PARD3: variants seen among roughly 807,000 people sequenced by gnomAD.
PARD3 encodes partitioning defective 3 homolog.
PARD3 carries 75 observed loss-of-function variants against 155.4 expected under a neutral mutation model. The observed-to-expected ratio is 0.48, with a 90% CI of 0.40 to 0.58. PARD3 has a LOEUF of 0.58. Ranked by LOEUF, PARD3 falls within the 20% of genes least tolerant of loss-of-function variation. PARD3 has a pLI of 0.00. For synonymous variants in PARD3, 576 were observed against 610.5 expected, an observed-to-expected ratio of 0.94 and a Z score of 0.83; for missense variants, 1,642 against 1,721.7, an observed-to-expected ratio of 0.95 and a Z score of 0.82.
intron 3 of PARD3, among the ~76,000 whole-genome samples, chr10:34,502,497 G>A (rs950573453): frequency 2.0e-5 from 3 of 152,174 alleles, no homozygotes; most frequent in African/African-American, 7.2e-5. Context: ...ATGCAGGACT[G>A]TAATAAACTC....
At chr10:34,487,696 T>C (rs939801974) in intron 3 of PARD3, among the ~76,000 whole-genome samples, 4 of 152,026 alleles carry the variant, frequency 2.6e-5, no homozygotes, top group African/African-American at 9.7e-5. Context: ...CAGTGCTGAC[T>C]CCCTTATGAG....
rs184135509 is a variant in PARD3 at position 34,654,006 on chromosome 10, G to A, written c.222+42312C>T. Among the ~76,000 whole-genome samples, 27 of 152,142 alleles carry A rather than the reference G, an allele frequency of 1.8e-4. No individual in the cohort carries two copies. In the East Asian group the frequency reaches 4.1e-3, roughly 23 times the overall value. On this transcript the variant is annotated intron_variant, in intron 2 of 24. Coordinates refer to ENST00000374788, the MANE Select transcript of PARD3 (RefSeq NM_001184785.2). ...ATTATGGTAAGATGCATGCTTATAC[G>A]TTGCTTCACATTAAGACAGAGGTGC...
At chr10:34,762,023 C>G (rs1590994752) in intron 1 of PARD3, among the ~76,000 whole-genome samples, 1 of 152,078 alleles carries the variant, frequency 6.6e-6, no homozygotes, top group Non-Finnish European at 1.5e-5. Context: ...TTTCACGAAG[C>G]TATTTTGAAG....
chr10:34,791,453 A>G (rs1374370834), intron 1 of PARD3, among the ~76,000 whole-genome samples: 2 of 152,132 alleles, frequency 1.3e-5, no homozygotes, highest in African/African-American at 4.8e-5. Context: ...CGAAGCCAAC[A>G]CCGAGCCCTG....
intron 1 of PARD3, among the ~76,000 whole-genome samples, chr10:34,718,187 G>A (rs1473364675): frequency 6.6e-6 from 1 of 150,606 alleles, no homozygotes; most frequent in Non-Finnish European, 1.5e-5. Flanking sequence ...TGGGAGGCAA[G>A]CCATAGGTAT....
At chr10:34,673,357 C>A (rs1470137140) in intron 2 of PARD3, among the ~76,000 whole-genome samples, 1 of 152,152 alleles carries the variant, frequency 6.6e-6, no homozygotes, top group Non-Finnish European at 1.5e-5. Context: ...CTGTGATATG[C>A]ACATTTTTAC....
intron 22 of PARD3, among the ~76,000 whole-genome samples, chr10:34,211,841 G>C (rs1428882061): frequency 1.3e-5 from 2 of 152,018 alleles, no homozygotes; most frequent in Admixed American, 1.3e-4. Flanking sequence ...CCTCTCCCCA[G>C]GAGTCTCACT....
intron 22 of PARD3, among the ~76,000 whole-genome samples, chr10:34,151,514 T>A (rs1948782390): frequency 6.6e-6 from 1 of 152,184 alleles, no homozygotes. Context: ...CAATTAAAGC[T>A]TCAGTTTGAG....
intron 2 of PARD3, among the ~76,000 whole-genome samples, chr10:34,629,109 A>G (rs182827693): frequency 1.3e-5 from 2 of 152,318 alleles, no homozygotes; most frequent in African/African-American, 4.8e-5. Flanking sequence ...AATGTACCCA[A>G]TTGGTGCGGT....
At chr10:34,467,512 C>T (rs980364529) in intron 4 of PARD3, among the ~76,000 whole-genome samples, 8 of 152,010 alleles carry the variant, frequency 5.3e-5, no homozygotes, top group Non-Finnish European at 7.4e-5. Context: ...CTTTGGGACG[C>T]TGAGATGGGA....
chr10:34,280,162 A>G (rs1341031194), intron 21 of PARD3, among the ~76,000 whole-genome samples: 1 of 152,214 alleles, frequency 6.6e-6, no homozygotes, highest in Admixed American at 6.5e-5. Context: ...GTTTCAGAAC[A>G]TCTTTCCTTC....
chr10:34,178,750 AT>A (rs1423507349), intron 22 of PARD3, among the ~76,000 whole-genome samples: 1 of 152,184 alleles, frequency 6.6e-6, no homozygotes, highest in Non-Finnish European at 1.5e-5. Flanking sequence ...AGAAAAAACA[AT>A]TTGGTGATAA....
chr10:34,556,527 C>A (rs998971632), intron 2 of PARD3, among the ~76,000 whole-genome samples: 1 of 151,964 alleles, frequency 6.6e-6, no homozygotes, highest in Non-Finnish European at 1.5e-5. Context: ...GGAATACAGG[C>A]ACCCACCACC....
chr10:34,401,752 C>T, intron 6 of PARD3, 74 bp downstream of exon 6: 1 of 943,798 alleles, frequency 1.1e-6, no homozygotes, highest in South Asian at 1.3e-5. Flanking sequence ...ATGCCATATG[C>T]TTTCAGAATA....
chr10:34,647,882 G>T (rs564117920), intron 2 of PARD3, among the ~76,000 whole-genome samples: 1 of 152,198 alleles, frequency 6.6e-6, no homozygotes, highest in Admixed American at 6.5e-5. Flanking sequence ...CTGGAGTAGG[G>T]ATATTTAAGT....
Position 34,110,630 on chromosome 10 carries a change from A to G in PARD3, c.*539T>C, listed in dbSNP as rs1281487147. ...TAATAGGATGACCGACTCTCCCGTCACAAAGAGCTGAGAAAGGAAAGAGAA... is the reference window on the plus strand; with the variant it reads ...TAATAGGATGACCGACTCTCCCGTCGCAAAGAGCTGAGAAAGGAAAGAGAA... On this transcript the variant is annotated 3_prime_UTR_variant, in exon 25 of 25. Coordinates refer to ENST00000374788, the MANE Select transcript of PARD3 (RefSeq NM_001184785.2). 6.6e-6 allele frequency: 1 copy of G among 152,410 alleles called. No homozygotes were observed. Among genetic ancestry groups the G allele is most frequent in the Non-Finnish European group, 1.5e-5 (1 of 68,192 alleles). The allele number at this position is 152,410 out of a possible 1,614,324, so 9.4% of individuals were successfully genotyped here. A position where few individuals can be genotyped will look rare whatever the true frequency, so the allele number is the denominator to read the frequency against.
chr10:34,131,490 C>G lies in PARD3; in HGVS notation c.3513G>C (p.Arg1171=). The G allele has an allele frequency of 6.2e-7, 1 of 1,614,126 alleles. No homozygotes were observed. The change falls in exon 23 of 25, where the codon CGG becomes CGC. Residue 1171 remains arginine (R), a synonymous_variant. Coordinates refer to ENST00000374788, the MANE Select transcript of PARD3 (RefSeq NM_001184785.2). ...AGGGTTGCTCAAAACTATAGGTCCG[C>G]CGACGATCTTCTACATCTTCATCTT... ...AKQDEDVEDR[R]RTYSFEQPWP...
intron 19 of PARD3, among the ~76,000 whole-genome samples, chr10:34,322,108 G>A (rs934570562): frequency 8.5e-5 from 13 of 152,100 alleles, no homozygotes; most frequent in African/African-American, 2.9e-4. Flanking sequence ...TCATTATTAA[G>A]TTTATGGATG....
chr10:34,706,714 T>C (rs1020139553), intron 1 of PARD3, among the ~76,000 whole-genome samples: 12 of 152,118 alleles, frequency 7.9e-5, no homozygotes, highest in African/African-American at 1.7e-4. Context: ...TGAGCCACGA[T>C]TGTACCACTG....
Sources: gnomAD v4.1 joint callset for allele counts (sites outside exome capture counted in the v4.1 genomes callset) on GRCh38, gnomAD v4.1.1 for gene constraint, MANE v1.5 for transcripts, NCBI Gene and HGNC (gene_info 2026-07-23, HGNC 2026-07-21) for gene names.